The following FGGY variants were observed in gnomAD, a reference collection of about 807,000 sequenced individuals.
FGGY encodes FGGY carbohydrate kinase domain containing.
In FGGY, 72 loss-of-function variants were observed where a neutral mutation model predicts 71.3. The observed-to-expected ratio is 1.01, with a 90% CI of 0.84 to 1.23. The LOEUF (loss-of-function observed/expected upper bound fraction) is 1.23, where lower values mean the gene tolerates loss of function less well. Among genes scored for constraint, FGGY ranks in the 50% most tolerant of loss-of-function variants. The pLI is 0.00. For missense variants in FGGY, 668 were observed against 682.3 expected, an observed-to-expected ratio of 0.98 and a Z score of 0.23; for synonymous variants, 251 against 250.3, an observed-to-expected ratio of 1.00 and a Z score of -0.02.
chr1:59,339,926 G>A, intron 2 of FGGY, 32 bp from the exon 3 acceptor site: 2 of 1,364,810 alleles, frequency 1.5e-6, no homozygotes, highest in South Asian at 2.4e-5. Context: ...CCCTGGTGTT[G>A]TAATTTATGT....
chr1:59,400,560 A>G (rs536037898), intron 5 of FGGY, among the ~76,000 whole-genome samples: 1 of 130,440 alleles, frequency 7.7e-6, no homozygotes, highest in Admixed American at 7.5e-5. Flanking sequence ...TTTTTTTTGT[A>G]TTCTGTATTT....
intron 5 of FGGY, among the ~76,000 whole-genome samples, chr1:59,411,699 T>C (rs1201519495): frequency 6.6e-6 from 1 of 152,232 alleles, no homozygotes; most frequent in Non-Finnish European, 1.5e-5. Flanking sequence ...AGTATGTACT[T>C]ACAAATTCTT....
chr1:59,411,851 G>C (rs2063650916), intron 5 of FGGY, among the ~76,000 whole-genome samples: 1 of 151,704 alleles, frequency 6.6e-6, no homozygotes, highest in South Asian at 2.1e-4. Flanking sequence ...TTGCTTTCTG[G>C]TGCCAGAAGA....
chr1:59,745,564 A>C (rs893747859), intron 14 of FGGY, among the ~76,000 whole-genome samples: 2 of 152,222 alleles, frequency 1.3e-5, no homozygotes, highest in Admixed American at 1.3e-4. Context: ...GCGGCCTTTC[A>C]TGATATTTCA....
At chr1:59,699,340 T>C (rs1294790009) in intron 14 of FGGY, 4 of 985,092 alleles carry the variant, frequency 4.1e-6, no homozygotes, top group Non-Finnish European at 4.8e-6. Context: ...AAATGATGTC[T>C]GCCTTTTGCA....
chr1:59,597,142 G>A (rs1053155435), intron 8 of FGGY, among the ~76,000 whole-genome samples: 7 of 152,186 alleles, frequency 4.6e-5, no homozygotes, highest in Admixed American at 4.6e-4. Flanking sequence ...TGTTTTGAAG[G>A]TCAGGATTCT....
chr1:59,423,379 C>T (rs775650962), intron 5 of FGGY, among the ~76,000 whole-genome samples: 12 of 152,034 alleles, frequency 7.9e-5, no homozygotes, highest in Non-Finnish European at 1.8e-4. Flanking sequence ...TTTGTGCCAA[C>T]GTGGACACCA....
At chr1:59,651,192 A>AGGTGT (rs1191921384) in intron 11 of FGGY, among the ~76,000 whole-genome samples, 1 of 152,048 alleles carries the variant, frequency 6.6e-6, no homozygotes, top group Non-Finnish European at 1.5e-5. Flanking sequence ...ATTTTGGAAT[A>AGGTGT]GGTGTGGTGC....
intron 7 of FGGY, among the ~76,000 whole-genome samples, chr1:59,529,751 G>C (rs1010135703): frequency 6.6e-6 from 1 of 152,186 alleles, no homozygotes; most frequent in African/African-American, 2.4e-5. Context: ...TTCATTTTAA[G>C]CATGGCTTTA....
intron 2 of FGGY, among the ~76,000 whole-genome samples, chr1:59,333,995 G>A (rs781022672): frequency 2.6e-5 from 4 of 152,172 alleles, no homozygotes; most frequent in Non-Finnish European, 5.9e-5. Flanking sequence ...TGATGACAGA[G>A]GTGAGCAGTA....
chr1:59,402,787 A>G (rs2062144075), intron 5 of FGGY, among the ~76,000 whole-genome samples: 1 of 152,146 alleles, frequency 6.6e-6, no homozygotes, highest in Admixed American at 6.5e-5. Context: ...AGGGAGTAAC[A>G]TTCCTTGGGA....
intron 7 of FGGY, among the ~76,000 whole-genome samples, chr1:59,519,197 G>T (rs2094752150): frequency 6.6e-6 from 1 of 152,108 alleles, no homozygotes; most frequent in African/African-American, 2.4e-5. Context: ...ATAAAGAATG[G>T]CCTACCTATT....
chr1:59,335,010 T>C (rs1008310250), intron 2 of FGGY, among the ~76,000 whole-genome samples: 1 of 152,216 alleles, frequency 6.6e-6, no homozygotes, highest in African/African-American at 2.4e-5. Context: ...AAAACCTTAC[T>C]AATATATCAT....
chr1:59,654,091 T>G (rs191036391), intron 11 of FGGY, among the ~76,000 whole-genome samples: 11 of 152,220 alleles, frequency 7.2e-5, no homozygotes, highest in African/African-American at 2.7e-4. Flanking sequence ...GGGGACATAT[T>G]TAGGATTCTG....
chr1:59,367,693 C>G (rs1287052212), intron 4 of FGGY, among the ~76,000 whole-genome samples: 1 of 152,170 alleles, frequency 6.6e-6, no homozygotes, highest in Non-Finnish European at 1.5e-5. Context: ...CCCTAGGTGT[C>G]TAGAAGCAGC....
intron 8 of FGGY, among the ~76,000 whole-genome samples, chr1:59,573,960 C>T (rs17119633): frequency 0.1 from 15,651 of 152,142 alleles, 2,036 homozygotes; most frequent in African/African-American, 0.31. Flanking sequence ...AATTGTCTTG[C>T]ATTACTGTTT....
chr1:59,677,467 C>T (rs1354094886), intron 14 of FGGY, among the ~76,000 whole-genome samples: 1 of 152,174 alleles, frequency 6.6e-6, no homozygotes, highest in East Asian at 1.9e-4. Flanking sequence ...AGAGTCACCT[C>T]CTTCAGATGC....
In FGGY at chr1:59,346,325, A is replaced by G. The variant is rs1419380322; in HGVS notation, c.392A>G (p.His131Arg). 4 of 1,612,350 alleles carry G rather than the reference A, an allele frequency of 2.5e-6. No homozygotes were observed. In the South Asian group the frequency reaches 4.4e-5, roughly 18 times the overall value. ...GTTAACAGGATCAATGAGACCAAGC[A>G]CAGTGTCCTCCAGTACGTCGGGGGG... ...SQVNRINETKHSVLQYVGGVM... is the reference protein window; with the variant it reads ...SQVNRINETKRSVLQYVGGVM... Residue 131 changes from histidine (H) to arginine (R), a missense_variant, in exon 4 of 16, where the codon CAC (histidine) becomes CGC (arginine). Around this residue, in one of 2 missense-constraint regions of FGGY, gnomAD observed 661 missense variants for 661.6 expected, o/e 1.00. Coordinates refer to ENST00000303721, the MANE Select transcript of FGGY (RefSeq NM_018291.5).
At chr1:59,596,942 A>G (rs999814705) in intron 8 of FGGY, among the ~76,000 whole-genome samples, 1 of 152,160 alleles carries the variant, frequency 6.6e-6, no homozygotes, top group Non-Finnish European at 1.5e-5. Flanking sequence ...CCCCTTTGTT[A>G]TAGAGAAGAT....
Sources: allele counts gnomAD v4.1 joint callset (sites outside exome capture counted in the v4.1 genomes callset), GRCh38; gene constraint gnomAD v4.1.1; regional missense constraint gnomAD v4.1.1; transcripts MANE v1.5; gene names NCBI Gene and HGNC (gene_info 2026-07-23, HGNC 2026-07-21).